The following TMEM267 variants were observed in gnomAD, a reference collection of about 807,000 sequenced individuals.
TMEM267 encodes the protein transmembrane protein C5orf28.
Under a neutral mutation model 19.3 loss-of-function variants are expected in TMEM267, and 20 were observed. That is an observed-to-expected ratio of 1.04 (90% CI 0.73 to 1.51). TMEM267 has a LOEUF of 1.51. Among genes scored for constraint, TMEM267 ranks in the 40% most tolerant of loss-of-function variants. TMEM267 has a pLI of 0.00. For missense variants in TMEM267, 242 were observed against 261.9 expected, an observed-to-expected ratio of 0.92 and a Z score of 0.52; for synonymous variants, 88 against 90.3, an observed-to-expected ratio of 0.97 and a Z score of 0.15.
At chr5:43,471,897 C>T (rs1324111807) in intron 1 of TMEM267, among the ~76,000 whole-genome samples, 1 of 151,988 alleles carries the variant, frequency 6.6e-6, no homozygotes, top group African/African-American at 2.4e-5. Flanking sequence ...AATTTCTTGA[C>T]CAATATCCCT....
At chr5:43,448,574 C>T (rs941610324) in intron 2 of TMEM267, among the ~76,000 whole-genome samples, 2 of 152,018 alleles carry the variant, frequency 1.3e-5, no homozygotes, top group South Asian at 2.1e-4. Flanking sequence ...GTCAGGAGCT[C>T]GAGACCAGCC....
intron 1 of TMEM267, among the ~76,000 whole-genome samples, chr5:43,462,873 A>G (rs1743357781): frequency 6.6e-6 from 1 of 152,234 alleles, no homozygotes; most frequent in Non-Finnish European, 1.5e-5. Context: ...ATCACAATTA[A>G]AACAACTAGA....
chr5:43,451,863 C>T lies in TMEM267; in HGVS notation c.312+1795G>A, dbSNP rs55861120. 1.3e-4 allele frequency among the ~76,000 whole-genome samples: 19 copies of T among 151,944 alleles called. No individual in the cohort carries two copies. The South Asian group carries it at 3.7e-3, about 30-fold the overall frequency. ...GTTGAGGCGGGAGGATCACTTGAGT[C>T]TAAGAGTTTGAGACCAGACTGGGCA... On this transcript the variant is annotated intron_variant, in intron 2 of 2. Transcript: ENST00000397080.
In TMEM267 at chr5:43,469,791, A is replaced by G. The variant is rs148516597; in HGVS notation, c.-75+14031T>C. Among the ~76,000 whole-genome samples the G allele has an allele frequency of 2.1e-4, 32 of 152,192 alleles. 1 individual carries two copies. In the East Asian group the frequency reaches 5.8e-3, roughly 28 times the overall value. On this transcript the variant is annotated intron_variant, in intron 1 of 2. Coordinates refer to ENST00000397080, the MANE Select transcript of TMEM267 (RefSeq NM_022483.5). ...TAGCTACAAAGATAAAAAGCTACAT[A>G]CCTCCCTCACAATTTGCCCAGAAGG...
At chr5:43,464,608 A>T (rs1236972297) in intron 1 of TMEM267, among the ~76,000 whole-genome samples, 1 of 152,280 alleles carries the variant, frequency 6.6e-6, no homozygotes, top group Admixed American at 6.5e-5. Flanking sequence ...CAAAACAGAG[A>T]TATAGATCAA....
rs773471558 is a variant in TMEM267, at chr5:43,453,706, A to G, written c.264T>C (p.Ser88=). 8 of 1,614,134 alleles carry G rather than the reference A, an allele frequency of 5.0e-6. No homozygotes were observed. The highest frequency in any genetic ancestry group is 6.8e-6 in the Non-Finnish European group (8 of 1,179,958). Residue 88 remains serine, a synonymous_variant, in exon 2 of 3, where the codon TCT becomes TCC. Coordinates refer to ENST00000397080, the MANE Select transcript of TMEM267 (RefSeq NM_022483.5). The part of the protein sequence containing the change: ...GEIILAGFLA[S]VIDVDHFFLA... Reference sequence around the variant, plus strand: ...GAAAAAAGTGGTCTACATCAATAACAGAGGCTAAAAATCCAGCTAAAATGA... The same window carrying G: ...GAAAAAAGTGGTCTACATCAATAACGGAGGCTAAAAATCCAGCTAAAATGA...
chr5:43,453,791 A>G lies in TMEM267; in HGVS notation c.179T>C (p.Ile60Thr), dbSNP rs1344696324. The G allele has an allele frequency of 6.2e-7, 1 of 1,614,176 alleles. No homozygotes were observed. The highest frequency in any genetic ancestry group is 8.5e-7 in the Non-Finnish European group (1 of 1,180,014). Residue 60 changes from isoleucine to threonine, a missense_variant, in exon 2 of 3, where the codon ATT becomes ACT. Coordinates refer to ENST00000397080, the MANE Select transcript of TMEM267 (RefSeq NM_022483.5). Reference sequence around the variant, plus strand: ...GACTACCGCCCATGACCACATGCCAATTACACAATGTACTGCATTATCTGA... The same window carrying G: ...GACTACCGCCCATGACCACATGCCAGTTACACAATGTACTGCATTATCTGA... ...ALSDNAVHCV[I>T]GMWSWAVVTG...
At chr5:43,479,615 A>T (rs749646619) in intron 1 of TMEM267, among the ~76,000 whole-genome samples, 2 of 42,250 alleles carry the variant, frequency 4.7e-5, no homozygotes, top group African/African-American at 1.4e-4. Context: ...GTATAACATA[A>T]CAATTTGTTC....
In TMEM267 at chr5:43,444,598, G is replaced by A. The variant is rs1742140712; in HGVS notation, c.*1624C>T. On this transcript the variant is annotated 3_prime_UTR_variant, in exon 3 of 3. Coordinates refer to ENST00000397080, the MANE Select transcript of TMEM267 (RefSeq NM_022483.5). Reference sequence around the variant, plus strand: ...TCACTATGTAGCATTCTTAAATAAGGCCCTATATTTTTAATAATATTTATT... The same window carrying A: ...TCACTATGTAGCATTCTTAAATAAGACCCTATATTTTTAATAATATTTATT... 1 of 151,970 alleles carries A rather than the reference G, an allele frequency of 6.6e-6. No homozygotes were observed. Among genetic ancestry groups the A allele is most frequent in the Admixed American group, 6.6e-5 (1 of 15,244 alleles). 9.4% of individuals were successfully genotyped at this position (151,970 alleles called of 1,614,324 possible).
rs1742129117 is a variant in TMEM267, at chr5:43,444,297, A to G, written c.*1925T>C. On this transcript the variant is annotated 3_prime_UTR_variant, in exon 3 of 3. Coordinates refer to ENST00000397080, the MANE Select transcript of TMEM267 (RefSeq NM_022483.5). Reference sequence around the variant, plus strand: ...TTATTTATTTTATGTTTATTTTTTAAGACAGTCTCCCTCTGTCACACAGGC... The same window carrying G: ...TTATTTATTTTATGTTTATTTTTTAGGACAGTCTCCCTCTGTCACACAGGC... The G allele has an allele frequency of 6.6e-6, 1 of 152,204 alleles. No individual in the cohort carries two copies. The allele number at this position is 152,204 out of a possible 1,614,324, so 9.4% of individuals were successfully genotyped here.
At chr5:43,469,614 C>T (rs1303427827) in intron 1 of TMEM267, among the ~76,000 whole-genome samples, 1 of 152,152 alleles carries the variant, frequency 6.6e-6, no homozygotes, top group Non-Finnish European at 1.5e-5. Flanking sequence ...CATACCTCAA[C>T]ATAATAAAAG....
intron 1 of TMEM267, among the ~76,000 whole-genome samples, chr5:43,482,218 T>G (rs1744829811): frequency 6.6e-6 from 1 of 151,728 alleles, no homozygotes; most frequent in African/African-American, 2.4e-5. Context: ...GAGAACTATT[T>G]CTATTTTTAA....
intron 1 of TMEM267, among the ~76,000 whole-genome samples, chr5:43,468,115 G>A (rs1475065761): frequency 2.8e-5 from 4 of 142,866 alleles, no homozygotes; most frequent in Non-Finnish European, 6.1e-5. Context: ...CTTGGTTTAG[G>A]AAGGGGAGTG....
chr5:43,465,873 GC>G (rs1561193266), intron 1 of TMEM267, among the ~76,000 whole-genome samples: 1 of 151,688 alleles, frequency 6.6e-6, no homozygotes. Context: ...GTTAATGGGT[GC>G]AGCACACCAA....
chr5:43,462,646 T>C (rs1268426658), intron 1 of TMEM267, among the ~76,000 whole-genome samples: 1 of 152,128 alleles, frequency 6.6e-6, no homozygotes, highest in East Asian at 1.9e-4. Flanking sequence ...ATTGGCATAC[T>C]GAAGAATGCA....
intron 1 of TMEM267, among the ~76,000 whole-genome samples, chr5:43,461,116 G>T (rs976977064): frequency 6.6e-6 from 1 of 152,146 alleles, no homozygotes; most frequent in Non-Finnish European, 1.5e-5. Context: ...CAGGACACTG[G>T]TCAGAGTCAT....
At chr5:43,476,099 G>C (rs997193444) in intron 1 of TMEM267, 1 of 152,146 alleles carries the variant, frequency 6.6e-6, no homozygotes, top group Non-Finnish European at 1.5e-5. Flanking sequence ...ATGTGCTGCC[G>C]ATCTGTTAGC....
chr5:43,471,954 G>C (rs1191217284), intron 1 of TMEM267, among the ~76,000 whole-genome samples: 1 of 152,042 alleles, frequency 6.6e-6, no homozygotes, highest in Non-Finnish European at 1.5e-5. Context: ...GATCACATCA[G>C]GTTAAAATGC....
chr5:43,469,343 T>C (rs1743928903), intron 1 of TMEM267, among the ~76,000 whole-genome samples: 1 of 152,138 alleles, frequency 6.6e-6, no homozygotes, highest in African/African-American at 2.4e-5. Context: ...CTGATGAATA[T>C]TGATGCAAAA....
Sources: allele counts gnomAD v4.1 joint callset (sites outside exome capture counted in the v4.1 genomes callset), GRCh38; gene constraint gnomAD v4.1.1; transcripts MANE v1.5; gene names NCBI Gene and HGNC (gene_info 2026-07-23, HGNC 2026-07-21).